NSMCE2: variants seen among roughly 807,000 people sequenced by gnomAD.
NSMCE2 encodes NSE2 SUMO ligase component of SMC5/6 complex.
A neutral mutation model predicts 23.8 loss-of-function variants in NSMCE2; 24 were observed. The ratio of observed to expected loss-of-function variants is 1.01; its 90% CI spans 0.73 to 1.42. The LOEUF (loss-of-function observed/expected upper bound fraction) is 1.42. Ranked by LOEUF, NSMCE2 falls within the 40% of genes most tolerant of loss-of-function variation. The pLI is 0.00. For missense variants in NSMCE2, 284 were observed against 296.5 expected (o/e 0.96, Z 0.31); for synonymous variants, 92 against 94.1 (o/e 0.98, Z 0.13).
At position 125,143,732 on chromosome 8, in the gene NSMCE2, G is replaced by A. The variant is rs117890183; in HGVS notation, c.158-7439G>A. On this transcript the variant is annotated intron_variant, in intron 3 of 7. Transcript: ENST00000287437. ...CCAAATTTCAGGAAACAGCTTGGCCGTGGGCAAAACTATACAGTTGAATCA... is the reference window on the plus strand; with the variant it reads ...CCAAATTTCAGGAAACAGCTTGGCCATGGGCAAAACTATACAGTTGAATCA... 5.1e-4 allele frequency among the ~76,000 whole-genome samples: 77 copies of A among 152,276 alleles called. No individual in the cohort carries two copies. The East Asian group carries it at 0.012, about 24-fold the overall frequency.
At chr8:125,243,216 A>C (rs943249167) in intron 5 of NSMCE2, among the ~76,000 whole-genome samples, 2 of 152,240 alleles carry the variant, frequency 1.3e-5, no homozygotes, top group African/African-American at 4.8e-5. Flanking sequence ...GGACGTATAT[A>C]TACTTAAGAG....
At chr8:125,110,391 C>A (rs1225059080) in intron 3 of NSMCE2, among the ~76,000 whole-genome samples, 2 of 152,276 alleles carry the variant, frequency 1.3e-5, no homozygotes, top group East Asian at 3.9e-4. Context: ...TTACTATGGT[C>A]AGGCAGTTAA....
At chr8:125,351,173 T>C (rs2131351096) in intron 5 of NSMCE2, among the ~76,000 whole-genome samples, 1 of 152,170 alleles carries the variant, frequency 6.6e-6, no homozygotes, top group South Asian at 2.1e-4. Flanking sequence ...GCTTGGCTCT[T>C]CCCTGAGTCA....
chr8:125,239,634 A>C (rs183156949), intron 5 of NSMCE2, among the ~76,000 whole-genome samples: 1 of 151,974 alleles, frequency 6.6e-6, no homozygotes, highest in African/African-American at 2.4e-5. Context: ...AAAAAATTCA[A>C]ACCAGGCACT....
At chr8:125,236,163 T>A (rs555622325) in intron 5 of NSMCE2, among the ~76,000 whole-genome samples, 32 of 152,360 alleles carry the variant, frequency 2.1e-4, no homozygotes, top group African/African-American at 7.5e-4. Context: ...CTTTTTGCGC[T>A]TAACGTAGAA....
intron 5 of NSMCE2, among the ~76,000 whole-genome samples, chr8:125,326,520 G>A (rs1829669889): frequency 1.3e-5 from 2 of 152,180 alleles, no homozygotes; most frequent in Non-Finnish European, 2.9e-5. Context: ...AAAGCTTACA[G>A]TGGTTGTTTC....
At chr8:125,198,850 T>C (rs887760529) in intron 5 of NSMCE2, among the ~76,000 whole-genome samples, 3 of 152,230 alleles carry the variant, frequency 2.0e-5, no homozygotes, top group African/African-American at 7.2e-5. Context: ...TATTAGTTAC[T>C]GCCTCAATTT....
intron 5 of NSMCE2, among the ~76,000 whole-genome samples, chr8:125,233,208 T>G (rs1457918398): frequency 2.0e-5 from 3 of 152,226 alleles, no homozygotes; most frequent in Non-Finnish European, 2.9e-5. Flanking sequence ...TGTAGAGCTG[T>G]GATAAACCCT....
chr8:125,357,178 G>C, intron 5 of NSMCE2, 41 bp from the exon 6 acceptor site: 2 of 1,305,156 alleles, frequency 1.5e-6, no homozygotes, highest in Non-Finnish European at 2.2e-6. Flanking sequence ...TTTCTTTGAC[G>C]TTAGACCAGA....
chr8:125,229,346 CACATCCTTAATAGTA>C (rs1311251772), intron 5 of NSMCE2, among the ~76,000 whole-genome samples: 1 of 152,002 alleles, frequency 6.6e-6, no homozygotes, highest in Non-Finnish European at 1.5e-5. Flanking sequence ...TTTTAAATCA[CACATCCTTAATAGTA>C]AAATATTTTT....
intron 4 of NSMCE2, among the ~76,000 whole-genome samples, chr8:125,155,383 C>G (rs1298052155): frequency 6.6e-6 from 1 of 152,090 alleles, no homozygotes; most frequent in South Asian, 2.1e-4. Flanking sequence ...TTCAGAGTGC[C>G]TTAATCAATC....
chr8:125,115,745 T>A (rs1291292798), intron 3 of NSMCE2, among the ~76,000 whole-genome samples: 42 of 152,134 alleles, frequency 2.8e-4, no homozygotes, highest in African/African-American at 9.7e-4. Flanking sequence ...AAAATAATAA[T>A]AAATAAATAA....
At chr8:125,273,728 T>A (rs1827324732) in intron 5 of NSMCE2, among the ~76,000 whole-genome samples, 1 of 152,220 alleles carries the variant, frequency 6.6e-6, no homozygotes, top group African/African-American at 2.4e-5. Flanking sequence ...AAATGAACAG[T>A]AAAGTTGGAG....
At chr8:125,364,178 A>C (rs765668094) in intron 7 of NSMCE2, among the ~76,000 whole-genome samples, 2 of 152,192 alleles carry the variant, frequency 1.3e-5, no homozygotes, top group Non-Finnish European at 2.9e-5. Flanking sequence ...TCCTGACCTC[A>C]TGTGATCCAC....
chr8:125,173,636 T>C (rs1481155791), intron 4 of NSMCE2, among the ~76,000 whole-genome samples: 1 of 152,172 alleles, frequency 6.6e-6, no homozygotes, highest in Non-Finnish European at 1.5e-5. Context: ...AGTCATTCTG[T>C]GGATGGCAGA....
Position 125,235,448 on chromosome 8 carries a change from ACC to A in NSMCE2, c.418+53195_418+53196del, listed in dbSNP as rs143356760. 3.7e-4 allele frequency among the ~76,000 whole-genome samples: 56 copies of A among 152,234 alleles called. No homozygotes were observed. In the East Asian group the frequency reaches 0.01, roughly 28 times the overall value. ...TGAAAGTGAAAAGATAACTCCTCTG[ACC>A]CCAATCCCAGTTTGTAGCATATGTG... On this transcript the variant is annotated intron_variant, in intron 5 of 7. Coordinates refer to ENST00000287437, the MANE Select transcript of NSMCE2 (RefSeq NM_173685.4).
intron 5 of NSMCE2, among the ~76,000 whole-genome samples, chr8:125,304,493 T>C (rs2131209225): frequency 1.3e-5 from 2 of 152,262 alleles, no homozygotes; most frequent in Middle Eastern, 6.8e-3. Context: ...TACAATGGTT[T>C]AGACAAAGAT....
chr8:125,251,705 C>G (rs1826204165), intron 5 of NSMCE2, among the ~76,000 whole-genome samples: 1 of 152,218 alleles, frequency 6.6e-6, no homozygotes, highest in South Asian at 2.1e-4. Context: ...TCATAATTAG[C>G]TGACTTCATC....
chr8:125,317,211 TA>T, intron 5 of NSMCE2, among the ~76,000 whole-genome samples: 1 of 152,050 alleles, frequency 6.6e-6, no homozygotes, highest in South Asian at 2.1e-4. Flanking sequence ...TTTTTTTTTT[TA>T]TTGGAGACAG....
Sources: allele counts gnomAD v4.1 joint callset (sites outside exome capture counted in the v4.1 genomes callset), GRCh38; gene constraint gnomAD v4.1.1; transcripts MANE v1.5; gene names NCBI Gene and HGNC (gene_info 2026-07-23, HGNC 2026-07-21).